MTMR10: variants seen among roughly 807,000 people sequenced by gnomAD.
MTMR10 encodes the protein myotubularin related protein 10.
In MTMR10, 56 loss-of-function variants were observed where a neutral mutation model predicts 88.1. The ratio of observed to expected loss-of-function variants is 0.64; its 90% CI spans 0.51 to 0.79. The LOEUF (loss-of-function observed/expected upper bound fraction) is 0.79. Among genes scored for constraint, MTMR10 ranks in the 30% least tolerant of loss-of-function variants. The probability of loss-of-function intolerance (pLI) is 0.00; values close to 1 mark genes in which losing one functional copy is unlikely to be tolerated. For missense variants in MTMR10, 883 were observed against 924.7 expected (o/e 0.95, Z 0.58); for synonymous variants, 380 against 340.9 (o/e 1.11, Z -1.26).
At chr15:30,938,442 A>AT (rs2062929458), downstream of MTMR10, among the ~76,000 whole-genome samples, 1 of 152,310 alleles carries the variant, frequency 6.6e-6, no homozygotes, top group African/African-American at 2.4e-5. Flanking sequence ...CATGAAAGGA[A>AT]TGAAGTCTTT....
chr15:30,947,074 C>A (rs759545331), intron 14 of MTMR10, 56 bp downstream of exon 14: 2 of 1,513,692 alleles, frequency 1.3e-6, no homozygotes, highest in Non-Finnish European at 8.9e-7. Flanking sequence ...TTCAATTATG[C>A]CTCGATAAAG....
intron 2 of MTMR10, among the ~76,000 whole-genome samples, chr15:30,988,191 C>G (rs916062506): frequency 6.6e-6 from 1 of 152,036 alleles, no homozygotes; most frequent in Admixed American, 6.5e-5. Flanking sequence ...AAGCAGGAAA[C>G]AGAGACCACA....
At chr15:30,973,559 T>G (rs2029885198) in intron 5 of MTMR10, among the ~76,000 whole-genome samples, 1 of 152,122 alleles carries the variant, frequency 6.6e-6, no homozygotes, top group Non-Finnish European at 1.5e-5. Context: ...GCCTCCATTC[T>G]GAGAGAAAGC....
At chr15:30,932,804 C>T in the MTMR10 span, among the ~76,000 whole-genome samples, 155 of 150,576 alleles carry the variant, frequency 1.0e-3, no homozygotes, top group Admixed American at 3.4e-3. Context: ...CTTCCGCCTC[C>T]TGGGTTCAAG....
At chr15:30,923,385 T>C in the MTMR10 span, among the ~76,000 whole-genome samples, 4 of 152,244 alleles carry the variant, frequency 2.6e-5, no homozygotes, top group African/African-American at 9.6e-5. Context: ...AAATAAAAGT[T>C]CAAGAGAGTA....
At position 30,990,823 on chromosome 15, in the gene MTMR10, G is replaced by A. The variant is rs1298002139; in HGVS notation, c.75C>T (p.Ile25=). 1.2e-6 allele frequency: 2 copies of A among 1,606,372 alleles called. No individual in the cohort carries two copies. Among genetic ancestry groups the A allele is most frequent in the South Asian group, 2.2e-5 (2 of 89,422 alleles). Residue 25 remains isoleucine, a synonymous_variant, in exon 2 of 16, where the codon ATC becomes ATT. Coordinates refer to ENST00000435680, the MANE Select transcript of MTMR10 (RefSeq NM_017762.3). ...LLPPPQTDDK[I]NSEPKIKKLE... ...GTTTTTTAATCTTCGGTTCCGAATT[G>A]ATCTTATCGTCAGTCTGAAATACAT... is the stretch of plus-strand genomic sequence containing the variant.
rs200770610 is a variant in MTMR10, at chr15:30,991,464, G to A, written c.43C>T (p.Leu15Phe). ...KPPKPTFRSYLLPPPQTDDKI... is the reference protein window; with the variant it reads ...KPPKPTFRSYFLPPPQTDDKI... ...TTGTTTACCTGGGGCGGTGGCAGGAGGTAGGACCTGAAGGTGGGTTTGGGC... is the reference window on the plus strand; with the variant it reads ...TTGTTTACCTGGGGCGGTGGCAGGAAGTAGGACCTGAAGGTGGGTTTGGGC... The change falls in exon 1 of 16, where the codon CTC (leucine) becomes TTC (phenylalanine). Residue 15 changes from leucine to phenylalanine, a missense_variant. Leu to Phe is a conservative substitution (Grantham distance 22). Coordinates refer to ENST00000435680, the MANE Select transcript of MTMR10 (RefSeq NM_017762.3). 2.3e-3 allele frequency: 3,528 copies of A among 1,510,850 alleles called. 5 individuals are homozygous for A. The highest frequency in any genetic ancestry group is 2.9e-3 in the Non-Finnish European group (3,320 of 1,137,304). 93.6% of individuals were successfully genotyped at this position (1,510,850 alleles called of 1,614,324 possible). A position where few individuals can be genotyped will look rare whatever the true frequency, so the allele number is the denominator to read the frequency against.
chr15:30,945,242 A>G (rs1052097435), intron 14 of MTMR10, among the ~76,000 whole-genome samples: 12 of 152,080 alleles, frequency 7.9e-5, no homozygotes, highest in African/African-American at 2.9e-4. Flanking sequence ...AGGAAGGGAG[A>G]GGGGGATTCA....
intron 2 of MTMR10, among the ~76,000 whole-genome samples, chr15:30,984,592 G>A (rs1363201339): frequency 3.9e-5 from 6 of 152,130 alleles, no homozygotes; most frequent in South Asian, 2.1e-4. Context: ...AGAACAGTAC[G>A]GGCCAGTGAG....
chr15:30,961,019 C>T lies in MTMR10; in HGVS notation c.620G>A (p.Gly207Asp). Residue 207 changes from glycine to aspartate, a missense_variant, in exon 7 of 16, where the codon GGT (glycine) becomes GAT (aspartate). Transcript: ENST00000435680. ...GCTGCTGCCACCACCAGCTCCATTACCTCCTCCTCCTCCTCCTCCTCCATC... is the reference window on the plus strand; with the variant it reads ...GCTGCTGCCACCACCAGCTCCATTATCTCCTCCTCCTCCTCCTCCTCCATC... ...SGDGGGGGGG[G>D]NGAGGGSSQK... 2.2e-6 allele frequency: 3 copies of T among 1,378,204 alleles called. No individual in the cohort carries two copies. In the South Asian group the frequency reaches 4.5e-5, roughly 21 times the overall value. 85.4% of individuals were successfully genotyped at this position (1,378,204 alleles called of 1,614,324 possible). A position where few individuals can be genotyped will look rare whatever the true frequency, so the allele number is the denominator to read the frequency against.
chr15:30,925,784 T>C, the MTMR10 span: 1 of 1,614,072 alleles, frequency 6.2e-7, no homozygotes, highest in Non-Finnish European at 8.5e-7. Flanking sequence ...CTGCTGCTGT[T>C]TCAGGTGACC....
intron 6 of MTMR10, among the ~76,000 whole-genome samples, chr15:30,963,487 A>C (rs982917058): frequency 1.3e-4 from 20 of 151,958 alleles, no homozygotes; most frequent in Non-Finnish European, 2.6e-4. Flanking sequence ...AAAAAAAAAA[A>C]ATAAGCCGGG....
At chr15:30,987,147 C>T (rs1163597611) in intron 2 of MTMR10, among the ~76,000 whole-genome samples, 2 of 152,236 alleles carry the variant, frequency 1.3e-5, no homozygotes, top group Admixed American at 6.5e-5. Context: ...CAATTCCAGG[C>T]TCCGACATAA....
chr15:30,929,126 G>A, the MTMR10 span: 1 of 1,292,886 alleles, frequency 7.7e-7, no homozygotes, highest in Non-Finnish European at 1.1e-6. Flanking sequence ...TCCAAGTTTT[G>A]TATGTACTGA....
intron 2 of MTMR10, among the ~76,000 whole-genome samples, chr15:30,986,548 CCAA>C (rs2030949518): frequency 6.6e-6 from 1 of 151,822 alleles, no homozygotes; most frequent in African/African-American, 2.4e-5. Context: ...GCTATTATCA[CCAA>C]CATTTAACAA....
At chr15:30,977,368 C>G (rs2030230864) in intron 2 of MTMR10, among the ~76,000 whole-genome samples, 1 of 152,144 alleles carries the variant, frequency 6.6e-6, no homozygotes, top group African/African-American at 2.4e-5. Context: ...CCTTTGATTC[C>G]TTTTGTAAGG....
chr15:30,991,569 C>G lies in MTMR10; in HGVS notation c.-63G>C. On this transcript the variant is annotated 5_prime_UTR_variant, in exon 1 of 16. Coordinates refer to ENST00000435680, the MANE Select transcript of MTMR10 (RefSeq NM_017762.3). ...CAGTGGCAGCGCCGACGCCTCCGGG[C>G]GTAAAGCTCTCAGTGCGGCCGCCCA... 6.6e-7 allele frequency: 1 copy of G among 1,514,926 alleles called. No homozygotes were observed. Among genetic ancestry groups the G allele is most frequent in the Non-Finnish European group, 8.8e-7 (1 of 1,140,450 alleles). 93.8% of individuals were successfully genotyped at this position (1,514,926 alleles called of 1,614,324 possible). A position where few individuals can be genotyped will look rare whatever the true frequency, so the allele number is the denominator to read the frequency against.
chr15:30,955,622 G>A (rs1232741308), intron 9 of MTMR10, among the ~76,000 whole-genome samples: 1 of 152,080 alleles, frequency 6.6e-6, no homozygotes, highest in Non-Finnish European at 1.5e-5. Context: ...TGGAACACTT[G>A]CCTGGGAAAC....
Position 30,939,651 on chromosome 15 carries a change from A to G in MTMR10, c.*1819T>C, listed in dbSNP as rs573532820. The G allele has an allele frequency of 7.5e-5, 30 of 399,158 alleles. No individual in the cohort carries two copies. The African/African-American group carries it at 9.4e-4, about 12-fold the overall frequency. 24.7% of individuals were successfully genotyped at this position (399,158 alleles called of 1,614,324 possible). A position where few individuals can be genotyped will look rare whatever the true frequency, so the allele number is the denominator to read the frequency against. On this transcript the variant is annotated 3_prime_UTR_variant, in exon 16 of 16. Transcript: ENST00000435680. ...AAATTAACAACAATAAAATACTACA[A>G]GAGTTAAAATAAACGTGAAGGAAGA...
Sources: allele counts gnomAD v4.1 joint callset (sites outside exome capture counted in the v4.1 genomes callset), GRCh38; gene constraint gnomAD v4.1.1; transcripts MANE v1.5; gene names NCBI Gene and HGNC (gene_info 2026-07-23, HGNC 2026-07-21).